The following SPTA1 variants were observed in gnomAD, a reference collection of about 807,000 sequenced individuals.
SPTA1 encodes the protein spectrin alpha, erythrocytic 1.
SPTA1 carries 177 observed loss-of-function variants against 324.7 expected under a neutral mutation model. That is an observed-to-expected ratio of 0.55 (90% CI 0.48 to 0.62). The LOEUF (loss-of-function observed/expected upper bound fraction) is 0.62, where lower values mean the gene tolerates loss of function less well. Among genes scored for constraint, SPTA1 ranks in the 20% least tolerant of loss-of-function variants. SPTA1 has a pLI of 0.00. For missense variants in SPTA1, 3,162 were observed against 2,883.6 expected (o/e 1.10, Z -2.21); for synonymous variants, 1,195 against 1,041.3 (o/e 1.15, Z -2.84).
chr1:158,683,823 G>T (rs1384152539), intron 2 of SPTA1, among the ~76,000 whole-genome samples: 1 of 140,912 alleles, frequency 7.1e-6, no homozygotes, highest in East Asian at 2.1e-4. Context: ...TGAGAAAGAT[G>T]ATAGTTATAA....
chr1:158,613,933 G>A, intron 49 of SPTA1, 66 bp from the exon 50 acceptor site: 1 of 1,542,854 alleles, frequency 6.5e-7, no homozygotes, highest in Non-Finnish European at 8.9e-7. Context: ...AGAACAGAAA[G>A]GAATATGTCT....
chr1:158,672,274 G>A, intron 10 of SPTA1, 78 bp from the exon 11 acceptor site: 1 of 1,442,816 alleles, frequency 6.9e-7, no homozygotes, highest in Non-Finnish European at 9.4e-7. Context: ...TATAATAAAT[G>A]CAAAGCCATT....
chr1:158,636,048 C>A lies in SPTA1; in HGVS notation c.5311-14G>T, dbSNP rs1196305622. The A allele has an allele frequency of 6.2e-7, 1 of 1,614,096 alleles. No homozygotes were observed. The highest frequency in any genetic ancestry group is 1.1e-5 in the South Asian group (1 of 91,078). Reference sequence around the variant, plus strand: ...ATCCAGCACATTCTGAAGAACAACCCCGATACATGTTCCATTACCCCACAA... The same window carrying A: ...ATCCAGCACATTCTGAAGAACAACCACGATACATGTTCCATTACCCCACAA... On this transcript the variant is annotated splice_polypyrimidine_tract_variant and intron_variant, in intron 37 of 51. Coordinates refer to ENST00000643759, the MANE Select transcript of SPTA1 (RefSeq NM_003126.4).
In SPTA1 at chr1:158,612,919, A is replaced by T. The variant is rs150057853; in HGVS notation, c.7032T>A (p.Ile2344=). The part of the protein sequence containing the change: ...VSLEDYTAFL[I]DKESENIKSS... ...ACTTGATGTTTTCTGACTCCTTGTCAATCAGGAAAGCAGTATAGTCCTCCA... is the reference window on the plus strand; with the variant it reads ...ACTTGATGTTTTCTGACTCCTTGTCTATCAGGAAAGCAGTATAGTCCTCCA... The change falls in exon 51 of 52, where the codon ATT becomes ATA. Residue 2344 remains isoleucine, a synonymous_variant. Coordinates refer to ENST00000643759, the MANE Select transcript of SPTA1 (RefSeq NM_003126.4). 8.7e-6 allele frequency: 14 copies of T among 1,613,960 alleles called. No homozygotes were observed. Among genetic ancestry groups the T allele is most frequent in the Middle Eastern group, 1.7e-4 (1 of 6,060 alleles).
Position 158,620,268 on chromosome 1 carries a change from G to A in SPTA1, c.6319C>T (p.Gln2107Ter), listed in dbSNP as rs974172420. 3 of 1,614,106 alleles carry A rather than the reference G, an allele frequency of 1.9e-6. No individual in the cohort carries two copies. Among genetic ancestry groups the A allele is most frequent in the Non-Finnish European group, 2.5e-6 (3 of 1,180,038 alleles). ...GGCACACCTAAGGCCTTAATCTGCT[G>A]GTCTAGCTCCAGCAAACATTTAAAG... is the stretch of plus-strand genomic sequence containing the variant. The part of the protein sequence containing the change: ...ADFKCLLELD[Q>*]QIKALGVPSS... Residue 2107 changes from glutamine to a stop codon, truncating the protein, a stop_gained, in exon 44 of 52, where the codon CAG becomes TAG. Transcript: ENST00000643759. LOFTEE classifies it high-confidence loss of function.
intron 36 of SPTA1, among the ~76,000 whole-genome samples, chr1:158,637,115 C>T (rs568254271): frequency 1.7e-4 from 26 of 152,242 alleles, no homozygotes; most frequent in Non-Finnish European, 2.1e-4. Flanking sequence ...ATGACCTCCA[C>T]AGGTTTTGTT....
intron 39 of SPTA1, among the ~76,000 whole-genome samples, chr1:158,632,232 T>C (rs1571403021): frequency 6.6e-6 from 1 of 152,014 alleles, no homozygotes; most frequent in East Asian, 1.9e-4. Flanking sequence ...CTATATGAGG[T>C]AGACAAATTT....
At chr1:158,655,293 G>A (rs1016708089) in intron 20 of SPTA1, among the ~76,000 whole-genome samples, 1 of 128,578 alleles carries the variant, frequency 7.8e-6, no homozygotes, top group South Asian at 2.1e-4. Context: ...CATTAACTGA[G>A]ATCATTAAAA....
Position 158,652,520 on chromosome 1 carries a change from C to T in SPTA1, c.3322G>A (p.Val1108Met). Residue 1108 changes from valine to methionine, a missense_variant, in exon 23 of 52, where the codon GTG becomes ATG. By Grantham distance (21) the Val-to-Met change is conservative. Coordinates refer to ENST00000643759, the MANE Select transcript of SPTA1 (RefSeq NM_003126.4). ...AGCTCCCAAACATCATCTAGTTCCACTCCAGTGTTTTCTGCCTTTTTCTCT... is the reference window on the plus strand; with the variant it reads ...AGCTCCCAAACATCATCTAGTTCCATTCCAGTGTTTTCTGCCTTTTTCTCT... ...IQEKKAENTG[V>M]ELDDVWELQK... The T allele has an allele frequency of 6.2e-7, 1 of 1,614,170 alleles. No homozygotes were observed. The highest frequency in any genetic ancestry group is 1.3e-5 in the African/African-American group (1 of 75,048).
intron 22 of SPTA1, 128 bp downstream of exon 22, chr1:158,653,146 C>T (rs540565787): frequency 1.2e-5 from 17 of 1,433,454 alleles, no homozygotes; most frequent in African/African-American, 1.1e-4. Flanking sequence ...GGTTTACTTT[C>T]GATTCTTAAA....
rs756893988 is a variant in SPTA1, at chr1:158,643,319, G to A, written c.4442+3C>T. ...GCACATAAAACAATCACTCAGGCCTGACCTGTCTAGTACACGTTGGAGCCG... is the reference window on the plus strand; with the variant it reads ...GCACATAAAACAATCACTCAGGCCTAACCTGTCTAGTACACGTTGGAGCCG... On this transcript the variant is annotated splice_donor_region_variant and intron_variant, in intron 31 of 51. Coordinates refer to ENST00000643759, the MANE Select transcript of SPTA1 (RefSeq NM_003126.4). The A allele has an allele frequency of 5.0e-6, 8 of 1,613,822 alleles. No homozygotes were observed. Among genetic ancestry groups the A allele is most frequent in the Non-Finnish European group, 5.9e-6 (7 of 1,179,860 alleles).
Position 158,638,107 on chromosome 1 carries a change from G to A in SPTA1, c.5115C>T (p.His1705=), listed in dbSNP as rs749335805. The A allele has an allele frequency of 6.2e-7, 1 of 1,614,048 alleles. No homozygotes were observed. The highest frequency in any genetic ancestry group is 8.5e-7 in the Non-Finnish European group (1 of 1,179,964). The change falls in exon 36 of 52, where the codon CAC becomes CAT. Residue 1705 remains histidine (H), a synonymous_variant. Transcript: ENST00000643759. ...CATAGGCCTCTTTCAATTTTTCGTG[G>A]TGTGCAGCTGCCAATTCTTGGACAT... The part of the protein sequence containing the change: ...FLNVQELAAA[H]HEKLKEAYAL...
At chr1:158,622,753 G>T (rs1009807549) in intron 43 of SPTA1, 4 of 487,726 alleles carry the variant, frequency 8.2e-6, no homozygotes, top group South Asian at 6.3e-5. Context: ...TCCACTGTTT[G>T]CCTGGCTTCC....
At chr1:158,656,387 A>C (rs1652825384) in intron 20 of SPTA1, among the ~76,000 whole-genome samples, 177 bp downstream of exon 20, 1 of 152,224 alleles carries the variant, frequency 6.6e-6, no homozygotes, top group Non-Finnish European at 1.5e-5. Context: ...TTTTGGACAA[A>C]GTCTCCTTTG....
At chr1:158,667,835 T>C in intron 15 of SPTA1, 23 bp downstream of exon 15, 2 of 1,612,330 alleles carry the variant, frequency 1.2e-6, no homozygotes, top group Non-Finnish European at 1.7e-6. Context: ...AAATGACCTT[T>C]CACCAAAACC....
At chr1:158,651,577 G>T in intron 23 of SPTA1, 109 bp from the exon 24 acceptor site, 2 of 778,554 alleles carry the variant, frequency 2.6e-6, no homozygotes, top group Non-Finnish European at 4.6e-6. Context: ...CTACATCACC[G>T]TAATACACAC....
intron 21 of SPTA1, among the ~76,000 whole-genome samples, chr1:158,654,312 G>T (rs753447082): frequency 1.6e-4 from 25 of 152,092 alleles, no homozygotes; most frequent in Non-Finnish European, 3.1e-4. Context: ...GAAAGAGACA[G>T]CTTAGCCCTT....
Position 158,639,976 on chromosome 1 carries a change from T to C in SPTA1, c.4769A>G (p.Asp1590Gly), listed in dbSNP as rs1370129924. Residue 1590 changes from aspartate to glycine, a missense_variant, in exon 34 of 52, where the codon GAT (aspartate) becomes GGT (glycine). By Grantham distance (94) the Asp-to-Gly change is moderately conservative (BLOSUM62 -1). Coordinates refer to ENST00000643759, the MANE Select transcript of SPTA1 (RefSeq NM_003126.4). ...EQLEQLKEHWDHLLERTNDKG... is the reference protein window; with the variant it reads ...EQLEQLKEHWGHLLERTNDKG... ...GTCATTTGTTCTCTCAAGCAGATGA[T>C]CCCAATGTTCCTTCAGCTGTTCCAG... 9.9e-6 allele frequency: 16 copies of C among 1,613,744 alleles called. No individual in the cohort carries two copies. Among genetic ancestry groups the C allele is most frequent in the African/African-American group, 4.0e-5 (3 of 74,874 alleles).
Position 158,651,348 on chromosome 1 carries a change from T to C in SPTA1, c.3477+19A>G. On this transcript the variant is annotated intron_variant, in intron 24 of 51. Coordinates refer to ENST00000643759, the MANE Select transcript of SPTA1 (RefSeq NM_003126.4). The stretch of plus-strand genomic sequence containing the variant: ...AGCCCAACCTGGTAGTGAGGAGGAA[T>C]GGAGGGAGCCTTAGTTACCTGCCGG... 6.4e-7 allele frequency: 1 copy of C among 1,562,348 alleles called. No individual in the cohort carries two copies. The highest frequency in any genetic ancestry group is 1.1e-5 in the South Asian group (1 of 90,014).
Sources: gnomAD v4.1 joint callset for allele counts (sites outside exome capture counted in the v4.1 genomes callset) on GRCh38, gnomAD v4.1.1 for gene constraint, MANE v1.5 for transcripts, NCBI Gene and HGNC (gene_info 2026-07-23, HGNC 2026-07-21) for gene names.